PDSS2: variants seen among roughly 807,000 people sequenced by gnomAD.
PDSS2 encodes decaprenyl diphosphate synthase subunit 2.
Under a neutral mutation model 44.5 loss-of-function variants are expected in PDSS2, and 31 were observed. The observed-to-expected ratio is 0.70, with a 90% confidence interval of 0.52 to 0.94. The LOEUF (loss-of-function observed/expected upper bound fraction) is 0.94. Ranked by LOEUF, PDSS2 falls within the 40% of genes least tolerant of loss-of-function variation. The pLI is 0.00. For synonymous variants in PDSS2, 157 were observed against 180.3 expected (o/e 0.87, Z 1.03); for missense variants, 452 against 482.2 (o/e 0.94, Z 0.59).
chr6:107,433,939 A>G (rs897053467), intron 1 of PDSS2, among the ~76,000 whole-genome samples: 17 of 152,202 alleles, frequency 1.1e-4, no homozygotes, highest in African/African-American at 4.1e-4. Flanking sequence ...AAATAATCGA[A>G]TAATTTGATC....
chr6:107,458,428 A>AAAAAAAAAAAAAAAAAAC, intron 1 of PDSS2, among the ~76,000 whole-genome samples: 1 of 142,760 alleles, frequency 7.0e-6, no homozygotes, highest in Non-Finnish European at 1.6e-5. Flanking sequence ...AAAAAAAAAA[A>AAAAAAAAAAAAAAAAAAC]AAAACTTTTA....
At chr6:107,413,623 C>G (rs980812814) in intron 1 of PDSS2, among the ~76,000 whole-genome samples, 1 of 152,094 alleles carries the variant, frequency 6.6e-6, no homozygotes, top group Non-Finnish European at 1.5e-5. Context: ...TGCCACCATG[C>G]CCGGCTAATT....
chr6:107,210,529 A>C lies in PDSS2; in HGVS notation c.918T>G (p.Ser306Arg). 1 of 1,602,806 alleles carries C rather than the reference A, an allele frequency of 6.2e-7. No homozygotes were observed. ...AGTTTAGATTAAAAGTCATGGAGTCACTGGTCTTTTCTTTAATAAAAGGCT... is the reference window on the plus strand; with the variant it reads ...AGTTTAGATTAAAAGTCATGGAGTCCCTGGTCTTTTCTTTAATAAAAGGCT... ...DVQPFIKEKTSDSMTFNLNSA... is the reference protein window; with the variant it reads ...DVQPFIKEKTRDSMTFNLNSA... Residue 306 changes from serine to arginine, a missense_variant, in exon 6 of 8, where the codon AGT becomes AGG. Transcript: ENST00000369037.
chr6:107,362,297 GA>G (rs1430784023), intron 1 of PDSS2, among the ~76,000 whole-genome samples: 3 of 152,196 alleles, frequency 2.0e-5, no homozygotes, highest in Non-Finnish European at 4.4e-5. Context: ...CCTGAAGTTT[GA>G]ATGTGCTCCG....
intron 4 of PDSS2, among the ~76,000 whole-genome samples, chr6:107,229,051 T>G (rs1475582747): frequency 6.6e-6 from 1 of 152,236 alleles, no homozygotes; most frequent in East Asian, 1.9e-4. Context: ...AGTATCTTAC[T>G]GCTTTTACAC....
chr6:107,237,586 C>T (rs1014416416), intron 4 of PDSS2, among the ~76,000 whole-genome samples: 19 of 151,312 alleles, frequency 1.3e-4, no homozygotes, highest in Non-Finnish European at 2.4e-4. Context: ...TGCCTGAGAG[C>T]GAAAGGAACA....
intron 2 of PDSS2, among the ~76,000 whole-genome samples, chr6:107,331,247 C>A (rs1777701031): frequency 6.6e-6 from 1 of 152,090 alleles, no homozygotes; most frequent in Non-Finnish European, 1.5e-5. Flanking sequence ...AATGGTTTCT[C>A]ATAGCACTAT....
intron 3 of PDSS2, among the ~76,000 whole-genome samples, chr6:107,261,480 G>A (rs1045238018): frequency 1.3e-5 from 2 of 152,130 alleles, no homozygotes; most frequent in Non-Finnish European, 2.9e-5. Context: ...AGCTGAGCAG[G>A]TGCAAGCACC....
At chr6:107,327,413 A>G (rs1490808821) in intron 2 of PDSS2, among the ~76,000 whole-genome samples, 1 of 152,242 alleles carries the variant, frequency 6.6e-6, no homozygotes, top group African/African-American at 2.4e-5. Flanking sequence ...AAGAAAGTGT[A>G]GTAGAAAAAG....
chr6:107,458,849 G>A, intron 1 of PDSS2, 141 bp downstream of exon 1: 2 of 728,780 alleles, frequency 2.7e-6, no homozygotes, highest in Non-Finnish European at 4.7e-6. Flanking sequence ...AACACGGAAT[G>A]TCTAGGAGGA....
At chr6:107,204,817 C>T (rs927376271) in intron 6 of PDSS2, among the ~76,000 whole-genome samples, 1 of 152,190 alleles carries the variant, frequency 6.6e-6, no homozygotes, top group African/African-American at 2.4e-5. Context: ...GGGCCATAGA[C>T]AACCTTTAGG....
chr6:107,316,627 T>A (rs919905748), intron 2 of PDSS2, among the ~76,000 whole-genome samples: 3 of 152,168 alleles, frequency 2.0e-5, no homozygotes, highest in Non-Finnish European at 4.4e-5. Context: ...ATTTCTTTTT[T>A]TCGTGAATAT....
At position 107,443,465 on chromosome 6, in the gene PDSS2, G is replaced by A. The variant is rs114710343; in HGVS notation, c.296+15525C>T. ...AGAAGCAACCTATATATTCATTTAC[G>A]CTGAATAAACAAATTGCTCTATATC... is the stretch of plus-strand genomic sequence containing the variant. On this transcript the variant is annotated intron_variant, in intron 1 of 7. Coordinates refer to ENST00000369037, the MANE Select transcript of PDSS2 (RefSeq NM_020381.4). 7.5e-3 allele frequency among the ~76,000 whole-genome samples: 1,136 copies of A among 152,098 alleles called. 18 individuals are homozygous for A. The highest frequency in any genetic ancestry group is 0.025 in the African/African-American group (1,050 of 41,464).
At chr6:107,413,480 G>A (rs1274008411) in intron 1 of PDSS2, among the ~76,000 whole-genome samples, 1 of 152,194 alleles carries the variant, frequency 6.6e-6, no homozygotes, top group Non-Finnish European at 1.5e-5. Context: ...GGGCTGCAGT[G>A]AGCCATGATT....
chr6:107,247,409 GA>G (rs1255580820), intron 3 of PDSS2, among the ~76,000 whole-genome samples: 1 of 152,136 alleles, frequency 6.6e-6, no homozygotes, highest in Non-Finnish European at 1.5e-5. Flanking sequence ...TTTGTTCTCT[GA>G]CTCTTTTTCT....
intron 2 of PDSS2, among the ~76,000 whole-genome samples, chr6:107,329,227 T>G (rs896462512): frequency 1.3e-5 from 2 of 152,236 alleles, no homozygotes; most frequent in African/African-American, 4.8e-5. Flanking sequence ...CCATGCAGTA[T>G]TCTACTCACT....
Position 107,257,602 on chromosome 6 carries a change from T to G in PDSS2, c.631-11983A>C, listed in dbSNP as rs565601351. ...CTTGGGTTAGAAATACTCCAATCTA[T>G]AAAGATATACATACAATTGGCTTTT... is the stretch of plus-strand genomic sequence containing the variant. On this transcript the variant is annotated intron_variant, in intron 3 of 7. Coordinates refer to ENST00000369037, the MANE Select transcript of PDSS2 (RefSeq NM_020381.4). Among the ~76,000 whole-genome samples, 13 of 152,050 alleles carry G rather than the reference T, an allele frequency of 8.5e-5. No individual in the cohort carries two copies. In the South Asian group the frequency reaches 2.5e-3, roughly 29 times the overall value.
At chr6:107,373,906 C>G (rs989096228) in intron 1 of PDSS2, among the ~76,000 whole-genome samples, 1 of 152,156 alleles carries the variant, frequency 6.6e-6, no homozygotes, top group African/African-American at 2.4e-5. Flanking sequence ...CCTCTTTTCT[C>G]TTATGCAAAT....
chr6:107,187,913 A>G (rs1348963904), intron 7 of PDSS2, among the ~76,000 whole-genome samples: 1 of 152,206 alleles, frequency 6.6e-6, no homozygotes, highest in African/African-American at 2.4e-5. Context: ...ACTTAAATAC[A>G]AACTGATAAT....
Sources: allele counts gnomAD v4.1 joint callset (sites outside exome capture counted in the v4.1 genomes callset), GRCh38; gene constraint gnomAD v4.1.1; transcripts MANE v1.5; gene names NCBI Gene and HGNC (gene_info 2026-07-23, HGNC 2026-07-21).